The following PEAR1 variants were observed in gnomAD, a reference collection of about 807,000 sequenced individuals.
PEAR1 encodes multiple EGF-like domains protein 12.
A neutral mutation model predicts 131.2 loss-of-function variants in PEAR1; 113 were observed. The observed-to-expected ratio is 0.86, with a 90% CI of 0.74 to 1.01. PEAR1 has a LOEUF of 1.01. Ranked by LOEUF, PEAR1 falls within the 50% of genes least tolerant of loss-of-function variation. The pLI, the probability that PEAR1 is intolerant of heterozygous loss-of-function variation, is 0.00. For missense variants in PEAR1, 1,408 were observed against 1,391.1 expected, an observed-to-expected ratio of 1.01 and a Z score of -0.19; for synonymous variants, 565 against 523.3, an observed-to-expected ratio of 1.08 and a Z score of -1.09.
In PEAR1 at chr1:156,913,742, G is replaced by A. The variant is rs1224109892; in HGVS notation, c.2695G>A (p.Gly899Ser). The change falls in exon 21 of 23, where the codon GGC (glycine) becomes AGC (serine). Residue 899 changes from glycine to serine, a missense_variant. By Grantham distance (56) the Gly-to-Ser change is moderately conservative. Transcript: ENST00000292357. The part of the protein sequence containing the change: ...SYSYSYSNGP[G>S]PFYNKGLISE... Reference sequence around the variant, plus strand: ...CAGCTATAGCTACAGCAATGGCCCAGGCCCATTCTACAATAAAGGTATGGG... The same window carrying A: ...CAGCTATAGCTACAGCAATGGCCCAAGCCCATTCTACAATAAAGGTATGGG... The A allele has an allele frequency of 6.2e-7, 1 of 1,614,116 alleles. No individual in the cohort carries two copies. Among genetic ancestry groups the A allele is most frequent in the Admixed American group, 1.7e-5 (1 of 60,014 alleles).
intron 5 of PEAR1, 77 bp downstream of exon 5, chr1:156,906,445 C>T (rs6664765): frequency 0.14 from 221,748 of 1,566,914 alleles, 20,077 homozygotes; most frequent in East Asian, 0.43. Context: ...CCCTCCCTAC[C>T]AGGGCACAGG....
chr1:156,903,825 C>T lies in PEAR1; in HGVS notation c.-9-93C>T, dbSNP rs1208843457. On this transcript the variant is annotated intron_variant, in intron 1 of 22. Coordinates refer to ENST00000292357, the MANE Select transcript of PEAR1 (RefSeq NM_001080471.3). ...AGGACACGGGGCCGCAGTCTGGTCT[C>T]TTCTGCATGCCCACGGCTCAGATCT... The T allele has an allele frequency of 1.4e-5, 15 of 1,049,816 alleles. No individual in the cohort carries two copies. In the African/African-American group the frequency reaches 1.9e-4, roughly 13 times the overall value. 65.0% of individuals were successfully genotyped at this position (1,049,816 alleles called of 1,614,324 possible).
At chr1:156,905,253 C>T in intron 3 of PEAR1, 71 bp from the exon 4 acceptor site, 1 of 1,501,392 alleles carries the variant, frequency 6.7e-7, no homozygotes, top group Non-Finnish European at 9.1e-7. Flanking sequence ...CTTCCCTGGC[C>T]TCCCCCTGGC....
chr1:156,912,117 T>C (rs1446340217), intron 15 of PEAR1, 130 bp from the exon 16 acceptor site: 2 of 1,160,764 alleles, frequency 1.7e-6, no homozygotes, highest in Non-Finnish European at 2.4e-6. Flanking sequence ...TGGTTGCAGA[T>C]ACTGTTCAAA....
intron 20 of PEAR1, 50 bp from the exon 21 acceptor site, chr1:156,913,642 G>C: frequency 6.2e-7 from 1 of 1,603,400 alleles, no homozygotes; most frequent in Non-Finnish European, 8.5e-7. Flanking sequence ...GGAAGTGTGA[G>C]CCGGGGGAGG....
chr1:156,910,189 C>G (rs538662156), intron 13 of PEAR1, 45 bp from the exon 14 acceptor site: 2 of 1,611,788 alleles, frequency 1.2e-6, no homozygotes, highest in East Asian at 2.2e-5. Context: ...CCCCCTGGAA[C>G]TGAAGGGGGC....
chr1:156,906,776 T>A lies in PEAR1; in HGVS notation c.540T>A (p.Pro180=). The change falls in exon 6 of 23, where the codon CCT becomes CCA. Residue 180 remains proline (P), a synonymous_variant. Coordinates refer to ENST00000292357, the MANE Select transcript of PEAR1 (RefSeq NM_001080471.3). ...QPPNCLQPCT[P]GYYGPACQFR... The stretch of plus-strand genomic sequence containing the variant: ...CGAACTGCCTTCAGCCCTGTACCCC[T>A]GGCTACTATGGCCCTGCCTGCCAGT... 1 of 1,614,206 alleles carries A rather than the reference T, an allele frequency of 6.2e-7. No homozygotes were observed. The highest frequency in any genetic ancestry group is 1.3e-5 in the African/African-American group (1 of 75,062).
At chr1:156,911,157 T>C (rs2103018008) in intron 15 of PEAR1, among the ~76,000 whole-genome samples, 2 of 141,710 alleles carry the variant, frequency 1.4e-5, no homozygotes, top group African/African-American at 5.5e-5. Flanking sequence ...TCTTTCTTTT[T>C]CTTTCTTTCT....
intron 11 of PEAR1, 61 bp downstream of exon 11, chr1:156,909,097 G>T: frequency 1.9e-6 from 3 of 1,604,630 alleles, no homozygotes; most frequent in Non-Finnish European, 1.7e-6. Flanking sequence ...AGAAGGGAGA[G>T]TCCAAGAGTA....
At chr1:156,901,116 G>A (rs554058638) in intron 1 of PEAR1, among the ~76,000 whole-genome samples, 5 of 152,216 alleles carry the variant, frequency 3.3e-5, no homozygotes, top group South Asian at 4.2e-4. Flanking sequence ...GTCCCCTCCC[G>A]GGGCCACCCA....
rs1651848034 is a variant in PEAR1, at chr1:156,916,223, A to G, written c.*1425A>G. On this transcript the variant is annotated 3_prime_UTR_variant, in exon 23 of 23. Transcript: ENST00000292357. ...ATTTGTGTCAACACTGCTTTAAGCA[A>G]ATCTGTTGGCACCATTTTTCCAATA... 6.6e-6 allele frequency: 1 copy of G among 152,228 alleles called. No homozygotes were observed. The highest frequency in any genetic ancestry group is 1.5e-5 in the Non-Finnish European group (1 of 68,040). 9.4% of individuals were successfully genotyped at this position (152,228 alleles called of 1,614,324 possible).
Position 156,904,063 on chromosome 1 carries a change from G to A in PEAR1, c.101+36G>A, listed in dbSNP as rs745577728. On this transcript the variant is annotated intron_variant, in intron 2 of 22. Coordinates refer to ENST00000292357, the MANE Select transcript of PEAR1 (RefSeq NM_001080471.3). ...CCCTGCTGCACCTTGAGGGCACCAA[G>A]CCCTAGCTCCCGATTGTCCCTATTG... 5.1e-6 allele frequency: 8 copies of A among 1,553,612 alleles called. No individual in the cohort carries two copies. In the African/African-American group the frequency reaches 8.1e-5, roughly 16 times the overall value.
intron 1 of PEAR1, among the ~76,000 whole-genome samples, chr1:156,897,679 C>T (rs1338655533): frequency 6.6e-6 from 1 of 152,228 alleles, no homozygotes; most frequent in Non-Finnish European, 1.5e-5. Context: ...TGCAGGAAGG[C>T]CTGGAGAGCA....
chr1:156,908,662 C>A lies in PEAR1; in HGVS notation c.1123C>A (p.Pro375Thr), dbSNP rs1420674383. The A allele has an allele frequency of 6.6e-7, 1 of 1,525,984 alleles. No homozygotes were observed. The highest frequency in any genetic ancestry group is 1.2e-5 in the South Asian group (1 of 82,850). The allele number at this position is 1,525,984 out of a possible 1,614,324, so 94.5% of individuals were successfully genotyped here. A position where few individuals can be genotyped will look rare whatever the true frequency, so the allele number is the denominator to read the frequency against. ...CDREHSLSCH[P>T]MNGECSCLPG... ...CCCCGCCTCTGCCCCCAGCTGCCAC[C>A]CGATGAACGGGGAGTGCTCCTGCCT... The change falls in exon 10 of 23, where the codon CCG (proline) becomes ACG (threonine). Residue 375 changes from proline to threonine, a missense_variant. Physicochemically the swap from Pro to Thr is conservative, Grantham distance 38. Transcript: ENST00000292357. This position sits in a 1 kb window ranked among gnomAD's most constrained non-coding sequence, Gnocchi z 4.2.
intron 1 of PEAR1, among the ~76,000 whole-genome samples, chr1:156,899,574 C>G (rs915563346): frequency 6.6e-6 from 1 of 152,104 alleles, no homozygotes; most frequent in Admixed American, 6.6e-5. Flanking sequence ...GAATTAATAC[C>G]CAAAGGCGCC....
chr1:156,905,934 G>A (rs757218068), intron 4 of PEAR1, among the ~76,000 whole-genome samples: 4 of 151,930 alleles, frequency 2.6e-5, no homozygotes, highest in Admixed American at 2.0e-4. Flanking sequence ...TGCCCATCAC[G>A]AGCCTCTGCA....
Position 156,914,822 on chromosome 1 carries a change from G to A in PEAR1, c.*24G>A, listed in dbSNP as rs369069417. 8.1e-6 allele frequency: 13 copies of A among 1,612,186 alleles called. No homozygotes were observed. In the African/African-American group the frequency reaches 1.6e-4, roughly 20 times the overall value. On this transcript the variant is annotated 3_prime_UTR_variant, in exon 23 of 23. Transcript: ENST00000292357. ...GAGGAGCCAGGATGGTATGGCAGAG[G>A]CCAGCACACCTGGCTGTTGCTGCTC...
At position 156,902,651 on chromosome 1, in the gene PEAR1, G is replaced by T. The variant is rs796915459; in HGVS notation, c.-9-1267G>T. On this transcript the variant is annotated intron_variant, in intron 1 of 22. Transcript: ENST00000292357. The surrounding 1 kb of genome is among the most constrained non-coding windows in gnomAD (Gnocchi z 4.3). ...GCAACATTCCAGAGATACTCAGGGG[G>T]GTAAGGGGCCAGCAACCGCGACCTT... is the stretch of plus-strand genomic sequence containing the variant. 5.5e-4 allele frequency among the ~76,000 whole-genome samples: 83 copies of T among 152,188 alleles called. No individual in the cohort carries two copies. Among genetic ancestry groups the T allele is most frequent in the African/African-American group, 1.8e-3 (73 of 41,524 alleles).
chr1:156,897,908 T>C (rs1462042566), intron 1 of PEAR1, among the ~76,000 whole-genome samples: 2 of 152,068 alleles, frequency 1.3e-5, no homozygotes, highest in African/African-American at 4.8e-5. Context: ...GGGTTCTTTC[T>C]TGGGGTGTAG....
Sources: allele counts gnomAD v4.1 joint callset (sites outside exome capture counted in the v4.1 genomes callset), GRCh38; gene constraint gnomAD v4.1.1; non-coding constraint Gnocchi (gnomAD v3.1); transcripts MANE v1.5; gene names NCBI Gene and HGNC (gene_info 2026-07-23, HGNC 2026-07-21).